The following SRPK1 variants were observed in gnomAD, a reference collection of about 807,000 sequenced individuals.
The protein encoded by SRPK1 is SRSF protein kinase 1, also known as SFRS protein kinase 1.
In SRPK1, 52 loss-of-function variants were observed where a neutral mutation model predicts 89.5. The ratio of observed to expected loss-of-function variants is 0.58; its 90% CI spans 0.46 to 0.73. SRPK1 has a LOEUF of 0.73. Ranked by LOEUF, SRPK1 falls within the 30% of genes least tolerant of loss-of-function variation. The pLI, the probability that SRPK1 is intolerant of heterozygous loss-of-function variation, is 0.00. For synonymous variants in SRPK1, 255 were observed against 270.2 expected, an observed-to-expected ratio of 0.94 and a Z score of 0.55; for missense variants, 603 against 780.6, an observed-to-expected ratio of 0.77 and a Z score of 2.71.
intron 2 of SRPK1, among the ~76,000 whole-genome samples, chr6:35,909,307 G>A (rs1009016489): frequency 3.3e-5 from 5 of 152,200 alleles, no homozygotes; most frequent in East Asian, 1.9e-4. Flanking sequence ...GTGACAGCCC[G>A]GCTGAATTTC....
chr6:35,855,396 C>T (rs754186955), intron 13 of SRPK1, among the ~76,000 whole-genome samples: 5 of 152,084 alleles, frequency 3.3e-5, no homozygotes, highest in Admixed American at 6.6e-5. Context: ...TCTCTATTAG[C>T]TTTGAAGACA....
intron 2 of SRPK1, among the ~76,000 whole-genome samples, chr6:35,913,448 C>G (rs996896845): frequency 6.6e-6 from 1 of 151,948 alleles, no homozygotes; most frequent in African/African-American, 2.4e-5. Context: ...GAGCCGAGAT[C>G]GCGCCACTAC....
At chr6:35,877,288 C>T (rs1428062802) in intron 6 of SRPK1, among the ~76,000 whole-genome samples, 1 of 152,156 alleles carries the variant, frequency 6.6e-6, no homozygotes, top group African/African-American at 2.4e-5. Context: ...GGATAAAACA[C>T]TTTCCAAGTA....
At position 35,854,840 on chromosome 6, in the gene SRPK1, C is replaced by T. The variant is rs1437616393; in HGVS notation, c.1620+2421G>A. ...ACCAGCTACACTTTATAGTTGGTGG[C>T]ATCTCTATCATTTATGATTTTCTAT... On this transcript the variant is annotated intron_variant, in intron 13 of 15. Transcript: ENST00000373825. 2.0e-5 allele frequency among the ~76,000 whole-genome samples: 3 copies of T among 152,170 alleles called. No individual in the cohort carries two copies. The East Asian group carries it at 5.8e-4, about 29-fold the overall frequency.
intron 2 of SRPK1, among the ~76,000 whole-genome samples, chr6:35,911,181 G>A (rs1219165771): frequency 2.0e-5 from 3 of 152,232 alleles, no homozygotes; most frequent in Non-Finnish European, 4.4e-5. Flanking sequence ...GATTCTATAT[G>A]CCATTAAGAA....
Position 35,842,623 on chromosome 6 carries a change from A to C in SRPK1, c.1621-19T>G, listed in dbSNP as rs1246388195. 6.3e-7 allele frequency: 1 copy of C among 1,579,412 alleles called. No individual in the cohort carries two copies. Among genetic ancestry groups the C allele is most frequent in the Non-Finnish European group, 8.6e-7 (1 of 1,166,492 alleles). ...CAAAGGCCTAAAAAAAAAAGAGGAC[A>C]GTATATGAAAGCACAAAAGAAAAGA... is the stretch of plus-strand genomic sequence containing the variant. On this transcript the variant is annotated intron_variant, in intron 13 of 15. Coordinates refer to ENST00000373825, the MANE Select transcript of SRPK1 (RefSeq NM_003137.5).
chr6:35,873,379 T>C (rs1370727339), intron 7 of SRPK1, among the ~76,000 whole-genome samples: 2 of 152,204 alleles, frequency 1.3e-5, no homozygotes, highest in Admixed American at 1.3e-4. Context: ...CTTCCCTTTC[T>C]AATTATTATA....
chr6:35,846,398 C>G (rs1239107322), intron 13 of SRPK1, among the ~76,000 whole-genome samples: 3 of 151,952 alleles, frequency 2.0e-5, no homozygotes, highest in Admixed American at 2.0e-4. Flanking sequence ...CGAGACCAGC[C>G]TGGGCAACAT....
At chr6:35,897,103 C>G (rs544935287) in intron 2 of SRPK1, among the ~76,000 whole-genome samples, 1 of 152,178 alleles carries the variant, frequency 6.6e-6, no homozygotes, top group South Asian at 2.1e-4. Context: ...AGTTTTCTTA[C>G]AGGAGGATAA....
At chr6:35,887,182 A>G (rs898708052) in intron 5 of SRPK1, among the ~76,000 whole-genome samples, 1 of 152,172 alleles carries the variant, frequency 6.6e-6, no homozygotes, top group African/African-American at 2.4e-5. Context: ...TTTCATGGAA[A>G]AACTTTCTCA....
chr6:35,866,346 G>A (rs1582004272), intron 12 of SRPK1, among the ~76,000 whole-genome samples: 1 of 152,300 alleles, frequency 6.6e-6, no homozygotes, highest in East Asian at 1.9e-4. Context: ...AGCACTTTGG[G>A]AGGCCGAGGT....
chr6:35,910,367 C>T (rs997561290), intron 2 of SRPK1, among the ~76,000 whole-genome samples: 1 of 152,108 alleles, frequency 6.6e-6, no homozygotes, highest in Non-Finnish European at 1.5e-5. Context: ...TTAGCCAAAA[C>T]CCAATCCAGA....
intron 2 of SRPK1, among the ~76,000 whole-genome samples, chr6:35,913,691 G>A (rs1161301926): frequency 6.6e-6 from 1 of 151,244 alleles, no homozygotes; most frequent in Non-Finnish European, 1.5e-5. Flanking sequence ...CCAGCTACTC[G>A]GGAGCCTGAG....
Position 35,835,493 on chromosome 6 carries a change from A to G in SRPK1, c.1784-5T>C. 3.1e-6 allele frequency: 5 copies of G among 1,607,608 alleles called. No homozygotes were observed. Among genetic ancestry groups the G allele is most frequent in the East Asian group, 2.2e-5 (1 of 44,790 alleles). On this transcript the variant is annotated splice_region_variant and splice_polypyrimidine_tract_variant and intron_variant, in intron 15 of 15. Coordinates refer to ENST00000373825, the MANE Select transcript of SRPK1 (RefSeq NM_003137.5). ...TCGTGATATGTTTCAGGTCACCTGCAGTGAAGACAGTACAGAAAAAGCCAC... is the reference window on the plus strand; with the variant it reads ...TCGTGATATGTTTCAGGTCACCTGCGGTGAAGACAGTACAGAAAAAGCCAC...
At chr6:35,869,222 A>T (rs191381896) in intron 11 of SRPK1, 112 bp from the exon 12 acceptor site, 4 of 979,770 alleles carry the variant, frequency 4.1e-6, no homozygotes, top group South Asian at 3.3e-5. Flanking sequence ...CCAAGTGACA[A>T]CTTACATTTT....
intron 13 of SRPK1, among the ~76,000 whole-genome samples, chr6:35,847,739 A>G (rs1046750569): frequency 1.1e-4 from 17 of 152,198 alleles, no homozygotes; most frequent in African/African-American, 3.6e-4. Context: ...AGACCTGTAC[A>G]CTGAAAACTA....
rs865829141 is a variant in SRPK1 at position 35,920,299 on chromosome 6, C to G, written c.74+169G>C. The G allele has an allele frequency of 5.1e-5, 37 of 728,284 alleles. No individual in the cohort carries two copies. The East Asian group carries it at 9.7e-4, about 19-fold the overall frequency. 45.1% of individuals were successfully genotyped at this position (728,284 alleles called of 1,614,324 possible). On this transcript the variant is annotated intron_variant, in intron 2 of 15. Transcript: ENST00000373825. ...ACCCAGGCCTGGCGTTGAGCAACAG[C>G]AGCTCTCTTCCACATGGTTGCTGGA... is the stretch of plus-strand genomic sequence containing the variant.
chr6:35,920,592 G>T, intron 1 of SRPK1, 64 bp from the exon 2 acceptor site: 3 of 1,522,478 alleles, frequency 2.0e-6, no homozygotes, highest in Admixed American at 1.8e-5. Context: ...AGGTGAGGGT[G>T]GAGACCCAGC....
At chr6:35,893,769 C>T (rs992256710) in intron 2 of SRPK1, among the ~76,000 whole-genome samples, 4 of 152,080 alleles carry the variant, frequency 2.6e-5, no homozygotes, top group Admixed American at 6.6e-5. Flanking sequence ...TGGCTAATGC[C>T]TATAGTCCCA....
Sources: gnomAD v4.1 joint callset for allele counts (sites outside exome capture counted in the v4.1 genomes callset) on GRCh38, gnomAD v4.1.1 for gene constraint, MANE v1.5 for transcripts, NCBI Gene and HGNC (gene_info 2026-07-23, HGNC 2026-07-21) for gene names.